The following CD226 variants were observed in gnomAD, a reference collection of about 807,000 sequenced individuals.
CD226 encodes the protein CD226 molecule.
A neutral mutation model predicts 34.9 loss-of-function variants in CD226; 24 were observed. That is an observed-to-expected ratio of 0.69 (90% confidence interval 0.50 to 0.97). The LOEUF is 0.97. Among genes scored for constraint, CD226 ranks in the 50% least tolerant of loss-of-function variants. The probability of loss-of-function intolerance (pLI) is 0.00; values close to 1 mark genes in which losing one functional copy is unlikely to be tolerated. For synonymous variants in CD226, 148 were observed against 147.4 expected (o/e 1.00, Z -0.03); for missense variants, 397 against 412.7 (o/e 0.96, Z 0.33).
At chr18:69,880,440 T>C (rs567848546) in intron 3 of CD226, among the ~76,000 whole-genome samples, 2 of 150,604 alleles carry the variant, frequency 1.3e-5, no homozygotes, top group African/African-American at 4.9e-5. Context: ...TTGGCAAGGG[T>C]ATGGAGAAGA....
At chr18:69,892,764 C>T (rs112231323) in intron 3 of CD226, among the ~76,000 whole-genome samples, 51 of 147,236 alleles carry the variant, frequency 3.5e-4, no homozygotes, top group African/African-American at 1.1e-3. Flanking sequence ...TGTGTGTGTC[C>T]GTGTCTGTGT....
chr18:69,871,002 A>C (rs1258003723), intron 4 of CD226, among the ~76,000 whole-genome samples: 1 of 152,214 alleles, frequency 6.6e-6, no homozygotes, highest in Admixed American at 6.5e-5. Flanking sequence ...ATCTCCTTTT[A>C]TCACATTTAA....
At chr18:69,896,302 C>T (rs1185381792) in intron 2 of CD226, 1 of 287,006 alleles carries the variant, frequency 3.5e-6, no homozygotes, top group African/African-American at 2.3e-5. Flanking sequence ...CTGCCTCAGC[C>T]TCCTGAGTAG....
At chr18:69,934,554 C>T (rs1200691460) in intron 2 of CD226, among the ~76,000 whole-genome samples, 2 of 152,196 alleles carry the variant, frequency 1.3e-5, no homozygotes, top group Non-Finnish European at 2.9e-5. Flanking sequence ...ATGCACATAG[C>T]TATTTACAAC....
At chr18:69,932,517 C>CTTGG (rs776154478) in intron 2 of CD226, among the ~76,000 whole-genome samples, 1 of 152,188 alleles carries the variant, frequency 6.6e-6, no homozygotes, top group Non-Finnish European at 1.5e-5. Flanking sequence ...ACTATCCACC[C>CTTGG]CTCCAAGTTC....
At chr18:69,867,539 C>A in intron 4 of CD226, 128 bp from the exon 5 acceptor site, 1 of 594,238 alleles carries the variant, frequency 1.7e-6, no homozygotes, top group Admixed American at 2.6e-5. Context: ...TAGCTTTATG[C>A]ACATTTATCC....
chr18:69,922,828 T>G (rs1174622418), intron 2 of CD226, among the ~76,000 whole-genome samples: 1 of 152,106 alleles, frequency 6.6e-6, no homozygotes, highest in Non-Finnish European at 1.5e-5. Flanking sequence ...AGAGCAGTTT[T>G]GAAAAGAAAA....
chr18:69,903,132 G>T (rs187158956), intron 2 of CD226, among the ~76,000 whole-genome samples: 1 of 152,206 alleles, frequency 6.6e-6, no homozygotes, highest in Non-Finnish European at 1.5e-5. Context: ...TGCAGTGTGG[G>T]AGGACATACT....
intron 3 of CD226, among the ~76,000 whole-genome samples, chr18:69,883,427 T>A (rs998150512): frequency 2.6e-5 from 4 of 152,106 alleles, no homozygotes; most frequent in African/African-American, 9.7e-5. Context: ...ACAAGGTAAT[T>A]TAAAGCGGGG....
upstream of CD226, among the ~76,000 whole-genome samples, chr18:69,958,914 C>G (rs73466722): frequency 4.5e-3 from 684 of 152,110 alleles, 5 homozygotes; most frequent in Middle Eastern, 0.017. Flanking sequence ...TTAAGGGAGG[C>G]ACAATGGAGA....
intron 2 of CD226, among the ~76,000 whole-genome samples, chr18:69,902,336 G>A (rs564350460): frequency 3.3e-5 from 5 of 151,950 alleles, no homozygotes; most frequent in African/African-American, 9.7e-5. Flanking sequence ...CATCCTGCTC[G>A]GCCTCACCCT....
Position 69,861,808 on chromosome 18 carries a change from T to C in CD226, c.*2506A>G, listed in dbSNP as rs1342438241. 6.6e-6 allele frequency: 1 copy of C among 151,836 alleles called. No individual in the cohort carries two copies. Among genetic ancestry groups the C allele is most frequent in the Non-Finnish European group, 1.5e-5 (1 of 67,904 alleles). The allele number at this position is 151,836 out of a possible 1,614,324, so 9.4% of individuals were successfully genotyped here. Reference sequence around the variant, plus strand: ...GATGTTAAAAAGATGACAATGAAAGTGCTTTGGTAAGTAAAGATGTCCAGA... The same window carrying C: ...GATGTTAAAAAGATGACAATGAAAGCGCTTTGGTAAGTAAAGATGTCCAGA... On this transcript the variant is annotated 3_prime_UTR_variant, in exon 6 of 6. Coordinates refer to ENST00000582621, the MANE Select transcript of CD226 (RefSeq NM_001303618.2).
chr18:69,907,241 T>C (rs1030357336), intron 2 of CD226, among the ~76,000 whole-genome samples: 1 of 152,214 alleles, frequency 6.6e-6, no homozygotes, highest in Admixed American at 6.5e-5. Flanking sequence ...AGCACAATTG[T>C]AGAACTTTAC....
At chr18:69,872,057 G>GGTGTGTGTGTGTGTGTGT (rs201644137) in intron 4 of CD226, among the ~76,000 whole-genome samples, 42 of 143,534 alleles carry the variant, frequency 2.9e-4, no homozygotes, top group African/African-American at 7.8e-4. Flanking sequence ...ATTAACAAGG[G>GGTGTGTGTGTGTGTGTGT]GTGTGTGTGT....
At chr18:69,886,808 G>A (rs1282358345) in intron 3 of CD226, among the ~76,000 whole-genome samples, 2 of 151,720 alleles carry the variant, frequency 1.3e-5, no homozygotes, top group East Asian at 3.9e-4. Context: ...ATATCTAAAG[G>A]TGTTATAAAT....
At chr18:69,871,085 A>T (rs560014065) in intron 4 of CD226, among the ~76,000 whole-genome samples, 100 of 152,306 alleles carry the variant, frequency 6.6e-4, no homozygotes, top group African/African-American at 2.3e-3. Context: ...CATTTTCATG[A>T]AGCAAAATTT....
chr18:69,888,111 A>G (rs934289533), intron 3 of CD226, among the ~76,000 whole-genome samples: 4 of 152,348 alleles, frequency 2.6e-5, no homozygotes, highest in African/African-American at 9.6e-5. Flanking sequence ...TAATCGACTG[A>G]TTGAGTTGTA....
upstream of CD226, among the ~76,000 whole-genome samples, chr18:69,957,611 G>A (rs1046880926): frequency 2.6e-5 from 4 of 152,204 alleles, no homozygotes; most frequent in African/African-American, 7.2e-5. Context: ...AAGGAAGGAC[G>A]TTTGACAGGT....
intron 4 of CD226, among the ~76,000 whole-genome samples, chr18:69,870,375 A>T (rs559074127): frequency 6.6e-6 from 1 of 150,636 alleles, no homozygotes; most frequent in East Asian, 2.0e-4. Context: ...CCCGGGTTCA[A>T]GTGATTCTCC....
Sources: gnomAD v4.1 joint callset for allele counts (sites outside exome capture counted in the v4.1 genomes callset) on GRCh38, gnomAD v4.1.1 for gene constraint, MANE v1.5 for transcripts, NCBI Gene and HGNC (gene_info 2026-07-23, HGNC 2026-07-21) for gene names.